Variants in FOXN3 observed in about 807,000 individuals in gnomAD.
FOXN3 encodes the protein forkhead box protein N3.
A neutral mutation model predicts 38.4 loss-of-function variants in FOXN3; 7 were observed. The ratio of observed to expected loss-of-function variants is 0.18; its 90% CI spans 0.10 to 0.34. The LOEUF (loss-of-function observed/expected upper bound fraction) is 0.34. FOXN3 is among the 10% of genes least tolerant of loss of function. The pLI is 1.00. For synonymous variants in FOXN3, 230 were observed against 242.2 expected, an observed-to-expected ratio of 0.95 and a Z score of 0.47; for missense variants, 456 against 613.4, an observed-to-expected ratio of 0.74 and a Z score of 2.71.
At chr14:89,259,596 T>C (rs1325409938) in intron 4 of FOXN3, among the ~76,000 whole-genome samples, 3 of 152,364 alleles carry the variant, frequency 2.0e-5, no homozygotes, top group East Asian at 3.9e-4. Flanking sequence ...CCTCTAGGTA[T>C]ACAGCACTTT....
At chr14:89,316,924 C>G (rs1294909488) in intron 3 of FOXN3, among the ~76,000 whole-genome samples, 1 of 152,176 alleles carries the variant, frequency 6.6e-6, no homozygotes, top group Non-Finnish European at 1.5e-5. Flanking sequence ...CTTGGCCTCC[C>G]AAAGTGCTGG....
intron 1 of FOXN3, among the ~76,000 whole-genome samples, chr14:89,568,499 T>TGTG (rs1895413423): frequency 5.3e-5 from 8 of 152,298 alleles, no homozygotes; most frequent in African/African-American, 1.9e-4. Context: ...GGCTCTGCCC[T>TGTG]CAGCACGGAA....
intron 1 of FOXN3, among the ~76,000 whole-genome samples, chr14:89,425,145 ACCTCTGC>A (rs1420430199): frequency 7.4e-6 from 1 of 134,542 alleles, no homozygotes; most frequent in Non-Finnish European, 1.5e-5. Flanking sequence ...GCCCACTGCT[ACCTCTGC>A]CTCCCGGGTC....
At chr14:89,344,243 CA>C (rs1888702769) in intron 3 of FOXN3, among the ~76,000 whole-genome samples, 1 of 139,472 alleles carries the variant, frequency 7.2e-6, no homozygotes. Context: ...AATTTTAAAG[CA>C]AAAAAAGGGA....
chr14:89,441,104 CCCTGCCCTTCCCCAAA>C (rs2139695877), intron 1 of FOXN3, among the ~76,000 whole-genome samples: 1 of 152,274 alleles, frequency 6.6e-6, no homozygotes, highest in East Asian at 1.9e-4. Context: ...TCCTCCCCAA[CCCTGCCCTTCCCCAAA>C]GTCTTATCTC....
intron 1 of FOXN3, among the ~76,000 whole-genome samples, chr14:89,467,276 C>G (rs1454793557): frequency 6.6e-6 from 1 of 152,124 alleles, no homozygotes; most frequent in African/African-American, 2.4e-5. Flanking sequence ...GGGTGCGTGT[C>G]GCCATCCACC....
At chr14:89,490,987 T>C (rs1893559834) in intron 1 of FOXN3, among the ~76,000 whole-genome samples, 1 of 152,248 alleles carries the variant, frequency 6.6e-6, no homozygotes, top group Non-Finnish European at 1.5e-5. Flanking sequence ...TTTTTGTTTT[T>C]TTTTGAGATA....
At chr14:89,338,738 G>A (rs1888535093) in intron 3 of FOXN3, among the ~76,000 whole-genome samples, 1 of 152,160 alleles carries the variant, frequency 6.6e-6, no homozygotes, top group Non-Finnish European at 1.5e-5. Context: ...AGGGAGGCAT[G>A]GAGGAGGCTG....
rs990438039 is a variant in FOXN3 at position 89,269,233 on chromosome 14, G to A, written c.745+11717C>T. On this transcript the variant is annotated intron_variant, in intron 4 of 5. Coordinates refer to ENST00000557258, the MANE Select transcript of FOXN3 (RefSeq NM_005197.4). ...AGCCCCATTAGAAATCACAGCCTAC[G>A]GAAAGAGGGGCCAACCAGTGTATGC... 5.3e-5 allele frequency among the ~76,000 whole-genome samples: 8 copies of A among 152,138 alleles called. No individual in the cohort carries two copies. The South Asian group carries it at 8.3e-4, about 16-fold the overall frequency.
intron 4 of FOXN3, among the ~76,000 whole-genome samples, chr14:89,243,428 C>A (rs1012832668): frequency 2.6e-5 from 4 of 152,182 alleles, no homozygotes; most frequent in Non-Finnish European, 4.4e-5. Flanking sequence ...CACAAACACC[C>A]GCATTGTATT....
At chr14:89,513,680 C>T (rs570173337) in intron 1 of FOXN3, among the ~76,000 whole-genome samples, 265 of 152,212 alleles carry the variant, frequency 1.7e-3, no homozygotes, top group Non-Finnish European at 3.1e-3. Flanking sequence ...CCACAACCTC[C>T]GCCTCCTGGG....
At chr14:89,610,047 C>G (rs1896358448) in intron 1 of FOXN3, among the ~76,000 whole-genome samples, 1 of 152,070 alleles carries the variant, frequency 6.6e-6, no homozygotes, top group African/African-American at 2.4e-5. Flanking sequence ...TCCCATTTTT[C>G]AGGCTGAAAA....
intron 5 of FOXN3, among the ~76,000 whole-genome samples, chr14:89,171,551 TATC>T (rs1391659447): frequency 3.3e-5 from 5 of 152,112 alleles, no homozygotes; most frequent in African/African-American, 1.2e-4. Context: ...TAAAAAAAAG[TATC>T]ATAAGCAAGT....
upstream of FOXN3, among the ~76,000 whole-genome samples, chr14:89,421,677 C>A (rs181260790): frequency 6.5e-3 from 991 of 151,436 alleles, 14 homozygotes; most frequent in African/African-American, 0.022. Context: ...CAGGCATGCA[C>A]CACCACGCAC....
intron 1 of FOXN3, among the ~76,000 whole-genome samples, chr14:89,477,566 G>C (rs1028371465): frequency 6.6e-6 from 1 of 152,198 alleles, no homozygotes; most frequent in Admixed American, 6.5e-5. Context: ...CAGCTGCAAA[G>C]AGTGCCAAGG....
chr14:89,447,310 C>T (rs1183661089), intron 1 of FOXN3, among the ~76,000 whole-genome samples: 2 of 152,030 alleles, frequency 1.3e-5, no homozygotes, highest in Non-Finnish European at 2.9e-5. Flanking sequence ...TAAAGACAAT[C>T]TTCATTTACT....
intron 1 of FOXN3, among the ~76,000 whole-genome samples, chr14:89,500,932 A>C (rs1893785039): frequency 1.3e-5 from 2 of 152,228 alleles, no homozygotes; most frequent in African/African-American, 4.8e-5. Flanking sequence ...TTCTGAAATT[A>C]TCACAGTGAA....
intron 1 of FOXN3, among the ~76,000 whole-genome samples, chr14:89,487,836 G>C (rs1281720810): frequency 6.6e-6 from 1 of 152,156 alleles, no homozygotes; most frequent in Non-Finnish European, 1.5e-5. Context: ...TTTCTGTTTG[G>C]GGTGAGGAGT....
At chr14:89,246,249 A>T (rs1315913091) in intron 4 of FOXN3, among the ~76,000 whole-genome samples, 1 of 152,206 alleles carries the variant, frequency 6.6e-6, no homozygotes, top group Non-Finnish European at 1.5e-5. Context: ...TCACCCTCAC[A>T]GTAAAGGGCT....
Sources: gnomAD v4.1 joint callset for allele counts (sites outside exome capture counted in the v4.1 genomes callset) on GRCh38, gnomAD v4.1.1 for gene constraint, MANE v1.5 for transcripts, NCBI Gene and HGNC (gene_info 2026-07-23, HGNC 2026-07-21) for gene names.